CENPP: variants seen among roughly 807,000 people sequenced by gnomAD.
The protein encoded by CENPP is centromere protein P.
Under a neutral mutation model 35.6 loss-of-function variants are expected in CENPP, and 24 were observed. The observed-to-expected ratio is 0.67, with a 90% CI of 0.49 to 0.95. The LOEUF is 0.95. CENPP is among the 40% of genes least tolerant of loss of function. The probability of loss-of-function intolerance (pLI) is 0.00; values close to 1 mark genes in which losing one functional copy is unlikely to be tolerated. For missense variants in CENPP, 332 were observed against 345.3 expected, an observed-to-expected ratio of 0.96 and a Z score of 0.31; for synonymous variants, 120 against 125.5, an observed-to-expected ratio of 0.96 and a Z score of 0.29.
intron 5 of CENPP, among the ~76,000 whole-genome samples, chr9:92,451,252 C>A (rs1427142683): frequency 1.3e-5 from 2 of 150,098 alleles, no homozygotes; most frequent in Non-Finnish European, 3.0e-5. Flanking sequence ...AGTCTTTAAT[C>A]CATCTTGAAT....
intron 4 of CENPP, among the ~76,000 whole-genome samples, chr9:92,366,166 A>G (rs923994570): frequency 1.2e-3 from 170 of 146,958 alleles, no homozygotes; most frequent in African/African-American, 3.9e-3. Flanking sequence ...GGTGACAGTA[A>G]GACTCCGTCT....
chr9:92,478,331 T>G (rs1298340173), intron 5 of CENPP, among the ~76,000 whole-genome samples: 2 of 152,204 alleles, frequency 1.3e-5, no homozygotes, highest in Non-Finnish European at 2.9e-5. Context: ...GGAAATTGTT[T>G]TGGGGTTCAC....
At chr9:92,560,234 T>C (rs1202899672) in intron 5 of CENPP, among the ~76,000 whole-genome samples, 4 of 152,110 alleles carry the variant, frequency 2.6e-5, no homozygotes, top group Non-Finnish European at 5.9e-5. Context: ...TAGATAAACA[T>C]GTGAGTGGCT....
chr9:92,486,133 A>G (rs186436457), intron 5 of CENPP, among the ~76,000 whole-genome samples: 2 of 152,316 alleles, frequency 1.3e-5, no homozygotes, highest in Non-Finnish European at 2.9e-5. Context: ...CTGTCAGGTG[A>G]CAGTCACAAG....
intron 5 of CENPP, among the ~76,000 whole-genome samples, chr9:92,489,044 C>T (rs1846122173): frequency 6.6e-6 from 1 of 152,174 alleles, no homozygotes; most frequent in African/African-American, 2.4e-5. Context: ...TTAGTTGTAT[C>T]ACCACTAAAG....
intron 5 of CENPP, among the ~76,000 whole-genome samples, chr9:92,395,348 T>A (rs780938318): frequency 1.3e-5 from 2 of 152,230 alleles, no homozygotes; most frequent in Non-Finnish European, 2.9e-5. Flanking sequence ...TGATTTTCAA[T>A]CTTTATCAGT....
At chr9:92,328,583 T>G (rs1407491921) in intron 1 of CENPP, among the ~76,000 whole-genome samples, 1 of 152,228 alleles carries the variant, frequency 6.6e-6, no homozygotes, top group Non-Finnish European at 1.5e-5. Context: ...TGCCTCATAA[T>G]AGTAACTAAC....
At chr9:92,510,449 A>G (rs1427957439) in intron 5 of CENPP, among the ~76,000 whole-genome samples, 1 of 152,268 alleles carries the variant, frequency 6.6e-6, no homozygotes, top group Non-Finnish European at 1.5e-5. Context: ...TCAATCCTTT[A>G]AACATACTTG....
At chr9:92,432,207 C>A (rs1482259819) in intron 5 of CENPP, among the ~76,000 whole-genome samples, 2 of 152,010 alleles carry the variant, frequency 1.3e-5, no homozygotes, top group African/African-American at 2.4e-5. Context: ...TGCATGTAAT[C>A]CCAGCTACTT....
chr9:92,600,607 G>A, intron 5 of CENPP: 7 of 1,578,356 alleles, frequency 4.4e-6, no homozygotes, highest in Non-Finnish European at 6.0e-6. Flanking sequence ...GTCACTACCA[G>A]AAAGACAGCG....
chr9:92,552,507 C>G (rs1849638039), intron 5 of CENPP, among the ~76,000 whole-genome samples: 1 of 152,014 alleles, frequency 6.6e-6, no homozygotes, highest in South Asian at 2.1e-4. Flanking sequence ...CCAACATCTA[C>G]TGTTTTTTGA....
intron 5 of CENPP, among the ~76,000 whole-genome samples, chr9:92,454,027 C>G (rs1844798323): frequency 6.6e-6 from 1 of 152,022 alleles, no homozygotes; most frequent in African/African-American, 2.4e-5. Context: ...TAAAGAAAAT[C>G]ACTTCAGTAA....
intron 5 of CENPP, among the ~76,000 whole-genome samples, chr9:92,434,907 T>G (rs1318218783): frequency 6.6e-6 from 1 of 151,658 alleles, no homozygotes; most frequent in African/African-American, 2.4e-5. Flanking sequence ...CAAAATTTAG[T>G]GGGGCGTGGT....
intron 4 of CENPP, among the ~76,000 whole-genome samples, chr9:92,347,147 A>G (rs1165929833): frequency 6.6e-6 from 1 of 152,252 alleles, no homozygotes; most frequent in Admixed American, 6.5e-5. Flanking sequence ...GAGGAATTCT[A>G]AAATATACTG....
At chr9:92,592,587 G>A (rs1271108088) in intron 5 of CENPP, among the ~76,000 whole-genome samples, 2 of 152,214 alleles carry the variant, frequency 1.3e-5, no homozygotes, top group African/African-American at 2.4e-5. Flanking sequence ...TCTATGAACA[G>A]TAGCACCATG....
intron 5 of CENPP, among the ~76,000 whole-genome samples, chr9:92,603,629 C>A (rs549345198): frequency 6.6e-6 from 1 of 152,136 alleles, no homozygotes; most frequent in African/African-American, 2.4e-5. Flanking sequence ...GCTCTGATCA[C>A]CCCCGACACA....
chr9:92,467,523 T>C (rs971377981), intron 5 of CENPP, among the ~76,000 whole-genome samples: 1 of 152,240 alleles, frequency 6.6e-6, no homozygotes, highest in Non-Finnish European at 1.5e-5. Context: ...CAGGACCTTT[T>C]TGTCCCTCTT....
At chr9:92,481,797 A>C (rs1361717431) in intron 5 of CENPP, among the ~76,000 whole-genome samples, 1 of 152,194 alleles carries the variant, frequency 6.6e-6, no homozygotes, top group East Asian at 1.9e-4. Context: ...CAAGGAAAAA[A>C]ATGAATATTC....
At chr9:92,571,589 T>A (rs1430137097) in intron 5 of CENPP, among the ~76,000 whole-genome samples, 2 of 152,236 alleles carry the variant, frequency 1.3e-5, no homozygotes, top group East Asian at 1.9e-4. Context: ...GTAGATGTCT[T>A]TTAGGTCTGC....
Sources: allele counts gnomAD v4.1 joint callset (sites outside exome capture counted in the v4.1 genomes callset), GRCh38; gene constraint gnomAD v4.1.1; transcripts MANE v1.5; gene names NCBI Gene and HGNC (gene_info 2026-07-23, HGNC 2026-07-21).